Variants in IL1R1 observed in about 807,000 individuals in gnomAD.
IL1R1 encodes interleukin-1 receptor type 1.
Under a neutral mutation model 50.2 loss-of-function variants are expected in IL1R1, and 22 were observed. The ratio of observed to expected loss-of-function variants is 0.44; its 90% CI spans 0.31 to 0.63. IL1R1 has a LOEUF of 0.63. IL1R1 is among the 20% of genes least tolerant of loss of function. The pLI, the probability that IL1R1 is intolerant of heterozygous loss-of-function variation, is 0.07. For missense variants in IL1R1, 509 were observed against 676.2 expected (o/e 0.75, Z 2.74); for synonymous variants, 251 against 236.7 (o/e 1.06, Z -0.55).
intron 1 of IL1R1, among the ~76,000 whole-genome samples, chr2:102,127,555 A>T (rs12470623): frequency 0.19 from 29,024 of 152,044 alleles, 3,643 homozygotes; most frequent in African/African-American, 0.35. Context: ...TAGACAGTTA[A>T]TTAACAAGAA....
At chr2:102,131,329 G>A (rs1185000121) in intron 1 of IL1R1, among the ~76,000 whole-genome samples, 1 of 152,174 alleles carries the variant, frequency 6.6e-6, no homozygotes, top group Non-Finnish European at 1.5e-5. Context: ...AATCCACAAT[G>A]TTTGGCATTC....
rs1686264410 is a variant in IL1R1, at chr2:102,177,767, GTTA to G, written c.*1013_*1015del. On this transcript the variant is annotated 3_prime_UTR_variant, in exon 12 of 12. Coordinates refer to ENST00000410023, the MANE Select transcript of IL1R1 (RefSeq NM_000877.4). The stretch of plus-strand genomic sequence containing the variant: ...CCCTGGCATGACCATCCTGTCCTTT[GTTA>G]TTATCCTGCATTTTACGTCTTTGGA... 1 of 152,388 alleles carries G rather than the reference GTTA, an allele frequency of 6.6e-6. No individual in the cohort carries two copies. Among genetic ancestry groups the G allele is most frequent in the African/African-American group, 2.4e-5 (1 of 41,438 alleles). 9.4% of individuals were successfully genotyped at this position (152,388 alleles called of 1,614,324 possible).
intron 1 of IL1R1, among the ~76,000 whole-genome samples, chr2:102,076,239 G>A (rs563262067): frequency 6.7e-6 from 1 of 149,214 alleles, no homozygotes; most frequent in East Asian, 2.0e-4. Flanking sequence ...ATGCAGTGGT[G>A]TGATCTCGGC....
chr2:102,136,682 C>T (rs1254176938), intron 1 of IL1R1, among the ~76,000 whole-genome samples: 1 of 152,106 alleles, frequency 6.6e-6, no homozygotes, highest in Admixed American at 6.5e-5. Context: ...GGCTGGATAA[C>T]AGTAATTCTT....
intron 7 of IL1R1, 142 bp downstream of exon 7, chr2:102,168,805 A>G: frequency 1.6e-6 from 1 of 611,092 alleles, no homozygotes; most frequent in Non-Finnish European, 2.9e-6. Context: ...GAGACAAATT[A>G]TATCTTAATT....
Position 102,176,724 on chromosome 2 carries a change from A to C in IL1R1, c.1675A>C (p.Lys559Gln). 1 of 1,609,994 alleles carries C rather than the reference A, an allele frequency of 6.2e-7. No individual in the cohort carries two copies. Among genetic ancestry groups the C allele is most frequent in the Non-Finnish European group, 8.5e-7 (1 of 1,180,004 alleles). ...HQLLSPATKE[K>Q]LQREAHVPLG ...GTTACTGTCACCAGCCACTAAGGAGAAACTGCAAAGAGAGGCTCACGTGCC... is the reference window on the plus strand; with the variant it reads ...GTTACTGTCACCAGCCACTAAGGAGCAACTGCAAAGAGAGGCTCACGTGCC... Residue 559 changes from lysine to glutamine, a missense_variant, in exon 12 of 12, where the codon AAA (lysine) becomes CAA (glutamine). Transcript: ENST00000410023.
chr2:102,111,344 A>G (rs1680750105), intron 1 of IL1R1, among the ~76,000 whole-genome samples: 1 of 152,194 alleles, frequency 6.6e-6, no homozygotes, highest in African/African-American at 2.4e-5. Context: ...GCTGCTGCAC[A>G]TAGGGCTGGC....
At chr2:102,108,422 T>C (rs1680547459) in intron 1 of IL1R1, among the ~76,000 whole-genome samples, 1 of 152,186 alleles carries the variant, frequency 6.6e-6, no homozygotes, top group African/African-American at 2.4e-5. Context: ...ATTCTCATCA[T>C]CCATGGGCTT....
chr2:102,148,542 C>A (rs1032971743), intron 1 of IL1R1, among the ~76,000 whole-genome samples: 2 of 152,310 alleles, frequency 1.3e-5, no homozygotes, highest in Middle Eastern at 3.4e-3. Context: ...TGTCTTAGAT[C>A]GTGGAGATTT....
intron 1 of IL1R1, among the ~76,000 whole-genome samples, chr2:102,075,331 A>T (rs1016575561): frequency 6.6e-6 from 1 of 152,254 alleles, no homozygotes; most frequent in Admixed American, 6.5e-5. Context: ...ATGTTGTGAC[A>T]CTGGCTCTGT....
intron 1 of IL1R1, among the ~76,000 whole-genome samples, chr2:102,120,161 G>A (rs1170291448): frequency 1.3e-5 from 2 of 152,088 alleles, no homozygotes; most frequent in Non-Finnish European, 2.9e-5. Context: ...AAAGTGAAAA[G>A]TCTTTAGCAT....
chr2:102,157,702 T>TA lies in IL1R1; in HGVS notation c.-6-17_-6-16insA. 6.4e-7 allele frequency: 1 copy of TA among 1,552,164 alleles called. No individual in the cohort carries two copies. On this transcript the variant is annotated splice_polypyrimidine_tract_variant and intron_variant, in intron 2 of 11. Coordinates refer to ENST00000410023, the MANE Select transcript of IL1R1 (RefSeq NM_000877.4). The stretch of plus-strand genomic sequence containing the variant: ...CATTTTTGCTTTTGTCTTTCTTTCG[T>TA]TCCTCCATTTCTCCAGAAGAATATG...
chr2:102,114,289 C>T lies in IL1R1; in HGVS notation c.-84+9417C>T, dbSNP rs113455794. Among the ~76,000 whole-genome samples, 1,182 of 152,334 alleles carry T rather than the reference C, an allele frequency of 7.8e-3. 14 individuals are homozygous for T. Among genetic ancestry groups the T allele is most frequent in the African/African-American group, 0.028 (1,146 of 41,568 alleles). ...AAGTAGGGACTTGGTAGATGTTTCTCTGGAAAGGTTAAACACACTGCGTGG... is the reference window on the plus strand; with the variant it reads ...AAGTAGGGACTTGGTAGATGTTTCTTTGGAAAGGTTAAACACACTGCGTGG... On this transcript the variant is annotated intron_variant, in intron 1 of 10. Transcript: ENST00000409329.
intron 1 of IL1R1, among the ~76,000 whole-genome samples, chr2:102,087,779 C>A (rs1450631213): frequency 6.6e-6 from 1 of 150,532 alleles, no homozygotes; most frequent in Non-Finnish European, 1.5e-5. Flanking sequence ...GTCAATTAAA[C>A]CTCTTTCCTT....
At chr2:102,165,365 A>G (rs1685095729) in intron 5 of IL1R1, 61 bp downstream of exon 5, 1 of 892,792 alleles carries the variant, frequency 1.1e-6, no homozygotes, top group Non-Finnish European at 1.6e-6. Flanking sequence ...TCCCTGGACA[A>G]TAGAATGTAT....
intron 1 of IL1R1, among the ~76,000 whole-genome samples, chr2:102,088,480 A>G (rs895360264): frequency 5.3e-5 from 8 of 152,138 alleles, no homozygotes; most frequent in Admixed American, 2.0e-4. Flanking sequence ...TCAGTAAACC[A>G]TGCTGTAAAC....
chr2:102,152,479 T>C (rs1274003784), intron 1 of IL1R1, among the ~76,000 whole-genome samples: 2 of 109,988 alleles, frequency 1.8e-5, no homozygotes, highest in African/African-American at 7.2e-5. Context: ...CACTCCAGCC[T>C]GGGGGACAGA....
At chr2:102,142,359 C>G (rs1682712898), upstream of IL1R1, 1 of 152,176 alleles carries the variant, frequency 6.6e-6, no homozygotes, top group South Asian at 2.1e-4. Flanking sequence ...CTCTGGCGAG[C>G]GTTTGCTTCG....
At chr2:102,125,501 A>G (rs1681659867) in intron 1 of IL1R1, among the ~76,000 whole-genome samples, 1 of 152,184 alleles carries the variant, frequency 6.6e-6, no homozygotes, top group African/African-American at 2.4e-5. Context: ...TCATGAAGGT[A>G]TGTTCAGAAT....
Sources: gnomAD v4.1 joint callset for allele counts (sites outside exome capture counted in the v4.1 genomes callset) on GRCh38, gnomAD v4.1.1 for gene constraint, MANE v1.5 for transcripts, NCBI Gene and HGNC (gene_info 2026-07-23, HGNC 2026-07-21) for gene names.